KCNIP4: variants seen among roughly 807,000 people sequenced by gnomAD.
KCNIP4 encodes potassium voltage-gated channel interacting protein 4, also known as Kv channel-interacting protein 4.
Under a neutral mutation model 34.0 loss-of-function variants are expected in KCNIP4, and 12 were observed. That is an observed-to-expected ratio of 0.35 (90% CI 0.23 to 0.57). The LOEUF is 0.57. KCNIP4 is among the 20% of genes least tolerant of loss of function. The pLI is 0.83. For synonymous variants in KCNIP4, 124 were observed against 102.2 expected (o/e 1.21, Z -1.29); for missense variants, 238 against 311.7 (o/e 0.76, Z 1.78).
At chr4:20,749,196 A>C (rs558545435) in intron 5 of KCNIP4, among the ~76,000 whole-genome samples, 11 of 139,370 alleles carry the variant, frequency 7.9e-5, no homozygotes, top group African/African-American at 2.6e-4. Context: ...GATCACTTAA[A>C]GTTTGTAATT....
chr4:21,434,684 C>T (rs1049797822), intron 1 of KCNIP4, among the ~76,000 whole-genome samples: 3 of 151,552 alleles, frequency 2.0e-5, no homozygotes, highest in South Asian at 2.1e-4. Flanking sequence ...CTATGTTGCA[C>T]GATCCTGAGG....
At chr4:20,950,938 C>T (rs1732723915) in intron 1 of KCNIP4, among the ~76,000 whole-genome samples, 1 of 152,112 alleles carries the variant, frequency 6.6e-6, no homozygotes, top group Non-Finnish European at 1.5e-5. Context: ...GTTACGTGGG[C>T]ATTTGCTTTC....
intron 3 of KCNIP4, among the ~76,000 whole-genome samples, chr4:20,805,051 T>C (rs1386353126): frequency 3.3e-5 from 5 of 152,136 alleles, no homozygotes; most frequent in African/African-American, 1.2e-4. Context: ...CCCACATGCT[T>C]GCTGACAAGT....
At chr4:21,919,120 C>T (rs755455013) in intron 1 of KCNIP4, among the ~76,000 whole-genome samples, 3 of 152,182 alleles carry the variant, frequency 2.0e-5, no homozygotes, top group Admixed American at 6.5e-5. Flanking sequence ...TCCACTGTCA[C>T]GGTAGAGAGT....
At chr4:21,426,773 A>AG (rs1725963663) in intron 1 of KCNIP4, among the ~76,000 whole-genome samples, 1 of 152,188 alleles carries the variant, frequency 6.6e-6, no homozygotes, top group African/African-American at 2.4e-5. Context: ...GTAAAAAAAA[A>AG]AAATTAGTTT....
chr4:21,802,266 G>A (rs1419146750), intron 1 of KCNIP4, among the ~76,000 whole-genome samples: 2 of 151,966 alleles, frequency 1.3e-5, no homozygotes, highest in Non-Finnish European at 2.9e-5. Flanking sequence ...TTTTCACTAG[G>A]ATATTTAGTA....
At chr4:21,682,843 C>T (rs1750479058) in intron 1 of KCNIP4, among the ~76,000 whole-genome samples, 1 of 152,126 alleles carries the variant, frequency 6.6e-6, no homozygotes, top group Non-Finnish European at 1.5e-5. Flanking sequence ...CGTTCACTGT[C>T]TCATATAGGT....
intron 1 of KCNIP4, among the ~76,000 whole-genome samples, chr4:21,903,757 C>A (rs1727835751): frequency 6.6e-6 from 1 of 152,078 alleles, no homozygotes; most frequent in Non-Finnish European, 1.5e-5. Context: ...AATGGAAGAA[C>A]CATTAGGAAG....
At position 20,850,580 on chromosome 4, in the gene KCNIP4, T is replaced by C. The variant is rs750402430; in HGVS notation, c.251A>G (p.Lys84Arg). The C allele has an allele frequency of 1.2e-6, 2 of 1,612,994 alleles. No homozygotes were observed. The highest frequency in any genetic ancestry group is 1.7e-6 in the Non-Finnish European group (2 of 1,179,752). ...TCTGTAAAGGATCTGAAGCTCTTTC[T>C]TGGTAAATTTGCTCTGGGCTTCCAG... The part of the protein sequence containing the change: ...ELLEAQSKFT[K>R]KELQILYRGF... The change falls in exon 3 of 9, where the codon AAG becomes AGG. Residue 84 changes from lysine (K) to arginine (R), a missense_variant. Coordinates refer to ENST00000382152, the MANE Select transcript of KCNIP4 (RefSeq NM_025221.6).
intron 1 of KCNIP4, among the ~76,000 whole-genome samples, chr4:21,026,228 T>G (rs552804290): frequency 2.8e-4 from 43 of 152,200 alleles, no homozygotes; most frequent in Non-Finnish European, 5.7e-4. Flanking sequence ...CTCATGCCAA[T>G]TATGGCTTTC....
rs113394909 is a variant in KCNIP4 at position 21,078,988 on chromosome 4, T to A, written c.62-196279A>T. Among the ~76,000 whole-genome samples, 700 of 152,214 alleles carry A rather than the reference T, an allele frequency of 4.6e-3. 10 individuals carry two copies. The highest frequency in any genetic ancestry group is 8.9e-3 in the African/African-American group (371 of 41,548). ...TCTGTAAATTCTGTAGGAGCCTCCCTCTTGGAAGCCAAATTGCCCCACAAT... is the reference window on the plus strand; with the variant it reads ...TCTGTAAATTCTGTAGGAGCCTCCCACTTGGAAGCCAAATTGCCCCACAAT... On this transcript the variant is annotated intron_variant, in intron 1 of 8. Coordinates refer to ENST00000382152, the MANE Select transcript of KCNIP4 (RefSeq NM_025221.6).
rs367879727 is a variant in KCNIP4 at position 20,899,385 on chromosome 4, A to G, written c.62-16676T>C. ...TTGAAAACAGGCCCTGCTGCTCAAC[A>G]TTTTATTTATTAGAAACTGAGCCAG... is the stretch of plus-strand genomic sequence containing the variant. On this transcript the variant is annotated intron_variant, in intron 1 of 8. Coordinates refer to ENST00000382152, the MANE Select transcript of KCNIP4 (RefSeq NM_025221.6). 2.0e-4 allele frequency among the ~76,000 whole-genome samples: 30 copies of G among 152,268 alleles called. No individual in the cohort carries two copies. In the South Asian group the frequency reaches 4.4e-3, roughly 22 times the overall value.
At chr4:21,668,625 A>G (rs575854547) in intron 1 of KCNIP4, among the ~76,000 whole-genome samples, 15 of 152,318 alleles carry the variant, frequency 9.8e-5, no homozygotes, top group African/African-American at 3.1e-4. Flanking sequence ...AGAAGATAAC[A>G]ATATGCAATA....
At chr4:21,709,759 A>G (rs1028277663) in intron 1 of KCNIP4, among the ~76,000 whole-genome samples, 1 of 152,230 alleles carries the variant, frequency 6.6e-6, no homozygotes, top group Non-Finnish European at 1.5e-5. Context: ...ATGGTATTAC[A>G]GAATCACAGA....
intron 1 of KCNIP4, among the ~76,000 whole-genome samples, chr4:21,153,957 C>T (rs1380640454): frequency 1.3e-5 from 2 of 151,174 alleles, no homozygotes; most frequent in Non-Finnish European, 2.9e-5. Flanking sequence ...ACACTGGTCA[C>T]CAAATTGAAG....
intron 1 of KCNIP4, among the ~76,000 whole-genome samples, chr4:21,555,733 C>A (rs1415950023): frequency 6.6e-6 from 1 of 152,158 alleles, no homozygotes; most frequent in Non-Finnish European, 1.5e-5. Context: ...TACTTTTCTT[C>A]AAATACATAT....
intron 1 of KCNIP4, among the ~76,000 whole-genome samples, chr4:21,301,066 T>A (rs186396682): frequency 7.2e-5 from 11 of 152,254 alleles, no homozygotes; most frequent in Non-Finnish European, 1.5e-4. Context: ...TATAAACATA[T>A]GACATGGATC....
rs539323391 is a variant in KCNIP4 at position 21,655,153 on chromosome 4, C to G, written c.61+293418G>C. On this transcript the variant is annotated intron_variant, in intron 1 of 8. Coordinates refer to ENST00000382152, the MANE Select transcript of KCNIP4 (RefSeq NM_025221.6). Reference sequence around the variant, plus strand: ...CAGCAAGTATATGTGTACAGCATAACAAATAACAAGATTAGATCCCATATG... The same window carrying G: ...CAGCAAGTATATGTGTACAGCATAAGAAATAACAAGATTAGATCCCATATG... 3.3e-5 allele frequency among the ~76,000 whole-genome samples: 5 copies of G among 152,148 alleles called. No homozygotes were observed. The East Asian group carries it at 5.8e-4, about 18-fold the overall frequency.
chr4:21,893,143 A>G (rs1482300895), intron 1 of KCNIP4, among the ~76,000 whole-genome samples: 1 of 152,140 alleles, frequency 6.6e-6, no homozygotes, highest in Non-Finnish European at 1.5e-5. Context: ...TTCATATTAA[A>G]CCAGGCACCC....
Sources: allele counts gnomAD v4.1 joint callset (sites outside exome capture counted in the v4.1 genomes callset), GRCh38; gene constraint gnomAD v4.1.1; transcripts MANE v1.5; gene names NCBI Gene and HGNC (gene_info 2026-07-23, HGNC 2026-07-21).